The following CELF3 variants were observed in gnomAD, a reference collection of about 807,000 sequenced individuals.
CELF3 encodes the protein CUGBP Elav-like family member 3, also known as CAG repeat domain.
CELF3 carries 26 observed loss-of-function variants against 59.6 expected under a neutral mutation model. The ratio of observed to expected loss-of-function variants is 0.44; its 90% CI spans 0.32 to 0.61. The LOEUF (loss-of-function observed/expected upper bound fraction) is 0.61, where lower values mean the gene tolerates loss of function less well. CELF3 is among the 20% of genes least tolerant of loss of function. CELF3 has a pLI of 0.06. For missense variants in CELF3, 387 were observed against 627.2 expected (o/e 0.62, Z 4.09); for synonymous variants, 245 against 250.7 (o/e 0.98, Z 0.22).
intron 1 of CELF3, 124 bp downstream of exon 1, chr1:151,715,752 T>C: frequency 6.3e-7 from 1 of 1,596,844 alleles, no homozygotes; most frequent in Non-Finnish European, 8.5e-7. Flanking sequence ...TCCACTTTCC[T>C]CAGGCCTGAA....
At chr1:151,707,315 G>A in intron 7 of CELF3, 21 bp from the exon 8 acceptor site, 1 of 1,566,228 alleles carries the variant, frequency 6.4e-7, no homozygotes, top group Non-Finnish European at 8.6e-7. Context: ...GAAAGCGACA[G>A]GGAGAGAGCA....
In CELF3 at chr1:151,707,886, C is replaced by T; in HGVS notation, c.536G>A (p.Arg179Gln). ...CACCTGCTGCATGCGGCGGAGACCT[C>T]GCTCCTTCTCAGTGTCAGCAAACTT... ...VVKFADTEKE[R>Q]GLRRMQQVAT... Residue 179 changes from arginine (R) to glutamine (Q), a missense_variant, in exon 6 of 13, where the codon CGA (arginine) becomes CAA (glutamine). By Grantham distance (43) the Arg-to-Gln change is conservative. Coordinates refer to ENST00000290583, the MANE Select transcript of CELF3 (RefSeq NM_007185.7). 1 of 1,613,846 alleles carries T rather than the reference C, an allele frequency of 6.2e-7. No homozygotes were observed. The highest frequency in any genetic ancestry group is 8.5e-7 in the Non-Finnish European group (1 of 1,179,814).
Position 151,702,473 on chromosome 1 carries a change from A to G in CELF3, c.*986T>C, listed in dbSNP as rs1450696643. ...TTTAAAAGTAAAATGCAATAAATAA[A>G]TAAGTTAAGCATAGAGAACTGTCTG... On this transcript the variant is annotated 3_prime_UTR_variant, in exon 13 of 13. Coordinates refer to ENST00000290583, the MANE Select transcript of CELF3 (RefSeq NM_007185.7). 1 of 152,114 alleles carries G rather than the reference A, an allele frequency of 6.6e-6. No individual in the cohort carries two copies. The highest frequency in any genetic ancestry group is 2.4e-5 in the African/African-American group (1 of 41,358). 9.4% of individuals were successfully genotyped at this position (152,114 alleles called of 1,614,324 possible).
chr1:151,707,477 C>T, intron 7 of CELF3, 30 bp downstream of exon 7: 1 of 1,608,776 alleles, frequency 6.2e-7, no homozygotes, highest in Non-Finnish European at 8.5e-7. Flanking sequence ...CCATGCTTAG[C>T]TCCCTTGCCC....
intron 6 of CELF3, 59 bp from the exon 7 acceptor site, chr1:151,707,707 C>T: frequency 6.3e-7 from 1 of 1,599,388 alleles, no homozygotes; most frequent in Non-Finnish European, 8.5e-7. Flanking sequence ...TGGCTCCCTC[C>T]CAGCCCGGGG....
rs1671981714 is a variant in CELF3 at position 151,700,245 on chromosome 1, A to C, written c.*3214T>G. Among the ~76,000 whole-genome samples, 1 of 152,188 alleles carries C rather than the reference A, an allele frequency of 6.6e-6. No individual in the cohort carries two copies. The highest frequency in any genetic ancestry group is 2.1e-4 in the South Asian group (1 of 4,826). The stretch of plus-strand genomic sequence containing the variant: ...CAGCAGTGAAAGGTTTAAGTGCCAT[A>C]AGGACTAGAAAAGGAAGGAGAAAGA... On this transcript the variant is annotated 3_prime_UTR_variant, in exon 13 of 13. Transcript: ENST00000290583.
chr1:151,716,533 C>G lies in CELF3; in HGVS notation c.-513G>C, dbSNP rs1357119063. 1 of 330,518 alleles carries G rather than the reference C, an allele frequency of 3.0e-6. No homozygotes were observed. Among genetic ancestry groups the G allele is most frequent in the African/African-American group, 2.2e-5 (1 of 46,080 alleles). The allele number at this position is 330,518 out of a possible 1,614,324, so 20.5% of individuals were successfully genotyped here. On this transcript the variant is annotated 5_prime_UTR_variant, in exon 1 of 13. Transcript: ENST00000290583. Reference sequence around the variant, plus strand: ...GCAGGTGAATCTCTCGTTGGCTTCCCTGGGAGGACACCTCCCCTGTGGCGG... The same window carrying G: ...GCAGGTGAATCTCTCGTTGGCTTCCGTGGGAGGACACCTCCCCTGTGGCGG...
rs759157455 is a variant in CELF3, at chr1:151,709,415, C to T, written c.278-67G>A. On this transcript the variant is annotated intron_variant, in intron 3 of 12. Coordinates refer to ENST00000290583, the MANE Select transcript of CELF3 (RefSeq NM_007185.7). The surrounding 1 kb of genome is among the most constrained non-coding windows in gnomAD (Gnocchi z 4.9). ...CTGGCTGCCTTCCCAGCCCTTCTTCCGCCCTTCCCTGGAGCTCCTAACACT... is the reference window on the plus strand; with the variant it reads ...CTGGCTGCCTTCCCAGCCCTTCTTCTGCCCTTCCCTGGAGCTCCTAACACT... The T allele has an allele frequency of 2.2e-5, 35 of 1,605,406 alleles. No homozygotes were observed. The highest frequency in any genetic ancestry group is 1.7e-4 in the Middle Eastern group (1 of 6,040).
chr1:151,709,191 G>A lies in CELF3; in HGVS notation c.406+29C>T, dbSNP rs202012088. On this transcript the variant is annotated intron_variant, in intron 4 of 12. Transcript: ENST00000290583. The surrounding 1 kb of genome is among the most constrained non-coding windows in gnomAD (Gnocchi z 4.9). ...GGTGGAACAGGAAGGGGAAGGGCCCGGTGGGGAAGGGGGAAGTGGGTGGAC... is the reference window on the plus strand; with the variant it reads ...GGTGGAACAGGAAGGGGAAGGGCCCAGTGGGGAAGGGGGAAGTGGGTGGAC... 2,006 of 1,611,086 alleles carry A rather than the reference G, an allele frequency of 1.2e-3. 4 individuals are homozygous for A. The highest frequency in any genetic ancestry group is 1.6e-3 in the Non-Finnish European group (1,889 of 1,177,584).
In CELF3 at chr1:151,716,672, C is replaced by T; in HGVS notation, c.-652G>A. ...CCCCCTTCAGGTCCTCCCCTCAGCC[C>T]CCCTCCCACCCCCACCCCAGTCCCC... On this transcript the variant is annotated 5_prime_UTR_variant, in exon 1 of 13. Transcript: ENST00000290583. The T allele has an allele frequency of 3.4e-6, 1 of 297,866 alleles. No individual in the cohort carries two copies. Among genetic ancestry groups the T allele is most frequent in the Non-Finnish European group, 7.1e-6 (1 of 141,194 alleles). 18.5% of individuals were successfully genotyped at this position (297,866 alleles called of 1,614,324 possible).
rs1425830929 is a variant in CELF3, at chr1:151,707,550, G to A, written c.729C>T (p.Ile243=). 2 of 1,610,648 alleles carry A rather than the reference G, an allele frequency of 1.2e-6. No individual in the cohort carries two copies. The stretch of plus-strand genomic sequence containing the variant: ...GGGTGGCGATGAGGCCATTGGCATT[G>A]ATGGCAGCCATGTGCTGCATCTGCA... The part of the protein sequence containing the change: ...AAVQMQHMAA[I]NANGLIATPI... The change falls in exon 7 of 13, where the codon ATC becomes ATT. Residue 243 remains isoleucine, a synonymous_variant. Coordinates refer to ENST00000290583, the MANE Select transcript of CELF3 (RefSeq NM_007185.7).
Position 151,707,943 on chromosome 1 carries a change from C to G in CELF3, c.487-8G>C. 2 of 1,607,880 alleles carry G rather than the reference C, an allele frequency of 1.2e-6. No individual in the cohort carries two copies. Among genetic ancestry groups the G allele is most frequent in the Non-Finnish European group, 1.7e-6 (2 of 1,175,914 alleles). On this transcript the variant is annotated splice_region_variant and splice_polypyrimidine_tract_variant and intron_variant, in intron 5 of 12. Transcript: ENST00000290583. ...CAGGCTGGACGAGGCACCCTGGGCA[C>G]GGGCCCACACACAGGTCAGAGGTGC...
In CELF3 at chr1:151,700,470, A is replaced by G. The variant is rs1034410306; in HGVS notation, c.*2989T>C. 5.3e-5 allele frequency among the ~76,000 whole-genome samples: 8 copies of G among 152,328 alleles called. No individual in the cohort carries two copies. The highest frequency in any genetic ancestry group is 1.9e-4 in the African/African-American group (8 of 41,580). ...TGCCTAGAGAACAATGAATAGTTCT[A>G]TTTGGGTATGTGTAGGAATGAAGTG... is the stretch of plus-strand genomic sequence containing the variant. On this transcript the variant is annotated 3_prime_UTR_variant, in exon 13 of 13. Coordinates refer to ENST00000290583, the MANE Select transcript of CELF3 (RefSeq NM_007185.7).
At chr1:151,713,234 A>G (rs1571933370) in intron 2 of CELF3, among the ~76,000 whole-genome samples, 1 of 151,824 alleles carries the variant, frequency 6.6e-6, no homozygotes, top group Admixed American at 6.6e-5. Flanking sequence ...CTTCTTCCTC[A>G]CCCCCACCCT....
Position 151,705,103 on chromosome 1 carries a change from T to C in CELF3, c.1336A>G (p.Ile446Val). ...AAIQAMNGFQIGMKRLKVQLK... is the reference protein window; with the variant it reads ...AAIQAMNGFQVGMKRLKVQLK... ...TGGACTTTGAGGCGCTTCATGCCGA[T>C]CTGGAAGCCATTCATGGCCTGGATG... Residue 446 changes from isoleucine to valine, a missense_variant, in exon 12 of 13, where the codon ATC becomes GTC. Physicochemically the swap from Ile to Val is conservative, Grantham distance 29. Transcript: ENST00000290583. This position sits in a 1 kb window ranked among gnomAD's most constrained non-coding sequence, Gnocchi z 5.1. 6.2e-7 allele frequency: 1 copy of C among 1,613,980 alleles called. No individual in the cohort carries two copies. The highest frequency in any genetic ancestry group is 8.5e-7 in the Non-Finnish European group (1 of 1,179,884).
At chr1:151,707,714 G>A (rs1020725829) in intron 6 of CELF3, 66 bp from the exon 7 acceptor site, 17 of 1,598,918 alleles carry the variant, frequency 1.1e-5, no homozygotes, top group Middle Eastern at 1.7e-4. Flanking sequence ...CTCCCAGCCC[G>A]GGGCCTTGGC....
chr1:151,715,726 T>C, intron 1 of CELF3, 150 bp downstream of exon 1: 2 of 1,575,584 alleles, frequency 1.3e-6, no homozygotes, highest in Non-Finnish European at 8.6e-7. Flanking sequence ...AGCTGAGTTC[T>C]TTTTCAGCTC....
chr1:151,709,631 C>T lies in CELF3; in HGVS notation c.277+112G>A. ...ACTCCTATCTCACCGCAGCTGGGAACTCTTCAGAATCATCAGGCTTTCTCC... is the reference window on the plus strand; with the variant it reads ...ACTCCTATCTCACCGCAGCTGGGAATTCTTCAGAATCATCAGGCTTTCTCC... On this transcript the variant is annotated intron_variant, in intron 3 of 12. Transcript: ENST00000290583. This position sits in a 1 kb window ranked among gnomAD's most constrained non-coding sequence, Gnocchi z 4.9. The T allele has an allele frequency of 8.5e-7, 1 of 1,176,482 alleles. No individual in the cohort carries two copies. The highest frequency in any genetic ancestry group is 1.3e-6 in the Non-Finnish European group (1 of 785,400). 72.9% of individuals were successfully genotyped at this position (1,176,482 alleles called of 1,614,324 possible).
In CELF3 at chr1:151,702,383, C is replaced by T. The variant is rs1288261529; in HGVS notation, c.*1076G>A. The T allele has an allele frequency of 3.3e-5, 5 of 152,160 alleles. No individual in the cohort carries two copies. The highest frequency in any genetic ancestry group is 1.2e-4 in the African/African-American group (5 of 41,420). 9.4% of individuals were successfully genotyped at this position (152,160 alleles called of 1,614,324 possible). ...GTAGGGAACAATCCCCTACCCTCAA[C>T]CTTCCAAGACTCTTATTTGATGCTT... On this transcript the variant is annotated 3_prime_UTR_variant, in exon 13 of 13. Transcript: ENST00000290583.
Sources: gnomAD v4.1 joint callset for allele counts (sites outside exome capture counted in the v4.1 genomes callset) on GRCh38, gnomAD v4.1.1 for gene constraint, Gnocchi (gnomAD v3.1) non-coding constraint, MANE v1.5 for transcripts, NCBI Gene and HGNC (gene_info 2026-07-23, HGNC 2026-07-21) for gene names.